ONECUT2: variants seen among roughly 807,000 people sequenced by gnomAD.
ONECUT2 encodes one cut homeobox 2.
Under a neutral mutation model 27.9 loss-of-function variants are expected in ONECUT2, and 10 were observed. That is an observed-to-expected ratio of 0.36 (90% confidence interval 0.22 to 0.61). The LOEUF (loss-of-function observed/expected upper bound fraction) is 0.61. Ranked by LOEUF, ONECUT2 falls within the 20% of genes least tolerant of loss-of-function variation. The probability of loss-of-function intolerance (pLI) is 0.73; values close to 1 mark genes in which losing one functional copy is unlikely to be tolerated. For synonymous variants in ONECUT2, 334 were observed against 315.1 expected (o/e 1.06, Z -0.64); for missense variants, 686 against 721.0 (o/e 0.95, Z 0.56).
intron 1 of ONECUT2, among the ~76,000 whole-genome samples, chr18:57,470,050 C>T (rs1568124221): frequency 6.6e-6 from 1 of 152,196 alleles, no homozygotes; most frequent in Admixed American, 6.5e-5. Flanking sequence ...AACACAGAAC[C>T]ACAGCATGGG....
rs192227879 is a variant in ONECUT2 at position 57,479,162 on chromosome 18, C to G, written c.*2439C>G. On this transcript the variant is annotated 3_prime_UTR_variant, in exon 2 of 2. Coordinates refer to ENST00000491143, the MANE Select transcript of ONECUT2 (RefSeq NM_004852.3). The stretch of plus-strand genomic sequence containing the variant: ...GGGGTCTTGGTGATGCATCCTCTCC[C>G]GAGCCACAGAACCAAAGAGTTTATA... 1.3e-5 allele frequency: 2 copies of G among 152,366 alleles called. No homozygotes were observed. Among genetic ancestry groups the G allele is most frequent in the East Asian group, 3.9e-4 (2 of 5,184 alleles). The allele number at this position is 152,366 out of a possible 1,614,324, so 9.4% of individuals were successfully genotyped here.
chr18:57,439,243 G>T (rs1245454411), intron 1 of ONECUT2, among the ~76,000 whole-genome samples: 1 of 152,154 alleles, frequency 6.6e-6, no homozygotes, highest in Non-Finnish European at 1.5e-5. Context: ...AGCCCCACCC[G>T]CGCCCATGGT....
At chr18:57,465,741 G>T (rs2050317765) in intron 1 of ONECUT2, among the ~76,000 whole-genome samples, 1 of 152,020 alleles carries the variant, frequency 6.6e-6, no homozygotes, top group Non-Finnish European at 1.5e-5. Flanking sequence ...ACCCATTCTG[G>T]CTTGCCATGG....
rs1373174689 is a variant in ONECUT2, at chr18:57,481,142, A to G, written c.*4419A>G. The G allele has an allele frequency of 6.6e-6, 1 of 150,578 alleles. No individual in the cohort carries two copies. The highest frequency in any genetic ancestry group is 1.5e-5 in the Non-Finnish European group (1 of 67,786). The allele number at this position is 150,578 out of a possible 1,614,324, so 9.3% of individuals were successfully genotyped here. A position where few individuals can be genotyped will look rare whatever the true frequency, so the allele number is the denominator to read the frequency against. On this transcript the variant is annotated 3_prime_UTR_variant, in exon 2 of 2. Coordinates refer to ENST00000491143, the MANE Select transcript of ONECUT2 (RefSeq NM_004852.3). ...ATTCCAGGAAATAATAAAAAAAAAC[A>G]GACAGAGCCAATACATTTCTTTTTT...
chr18:57,478,474 A>G lies in ONECUT2; in HGVS notation c.*1751A>G, dbSNP rs563576493. ...AATGAATAAATAAATCCGTAAATCA[A>G]TGGAAATCACCACCAATAAGAAGGA... On this transcript the variant is annotated 3_prime_UTR_variant, in exon 2 of 2. Coordinates refer to ENST00000491143, the MANE Select transcript of ONECUT2 (RefSeq NM_004852.3). 2.0e-5 allele frequency: 3 copies of G among 152,814 alleles called. No individual in the cohort carries two copies. Among genetic ancestry groups the G allele is most frequent in the African/African-American group, 7.2e-5 (3 of 41,600 alleles). The allele number at this position is 152,814 out of a possible 1,614,324, so 9.5% of individuals were successfully genotyped here. A position where few individuals can be genotyped will look rare whatever the true frequency, so the allele number is the denominator to read the frequency against.
At position 57,476,517 on chromosome 18, in the gene ONECUT2, C is replaced by CA; in HGVS notation, c.1311dup (p.Arg438ThrfsTer105). On this transcript the variant is annotated frameshift_variant, in exon 2 of 2. Coordinates refer to ENST00000491143, the MANE Select transcript of ONECUT2 (RefSeq NM_004852.3). LOFTEE classifies it high-confidence loss of function. ...GTCCCGCCTGGTGTTCACTGACCTC[C>CA]AACGCCGAACACTCTTCGCCATCTT... 1 of 1,614,228 alleles carries CA rather than the reference C, an allele frequency of 6.2e-7. No individual in the cohort carries two copies. Among genetic ancestry groups the CA allele is most frequent in the South Asian group, 1.1e-5 (1 of 91,088 alleles).
intron 1 of ONECUT2, among the ~76,000 whole-genome samples, chr18:57,473,772 T>C (rs1227549952): frequency 6.6e-6 from 1 of 152,234 alleles, no homozygotes; most frequent in Admixed American, 6.5e-5. Flanking sequence ...AGCACTGCTG[T>C]AGAGGACTTC....
In ONECUT2 at chr18:57,441,852, A is replaced by T. The variant is rs544134426; in HGVS notation, c.1228+4908A>T. Among the ~76,000 whole-genome samples the T allele has an allele frequency of 2.0e-5, 3 of 152,374 alleles. No homozygotes were observed. The South Asian group carries it at 6.2e-4, about 32-fold the overall frequency. The stretch of plus-strand genomic sequence containing the variant: ...CCCTAGTAACAAAAGCCTGAGCTTC[A>T]TCCCTCCGAGTAGCAGGCTCTGCGC... On this transcript the variant is annotated intron_variant, in intron 1 of 1. Coordinates refer to ENST00000491143, the MANE Select transcript of ONECUT2 (RefSeq NM_004852.3).
rs1298561997 is a variant in ONECUT2, at chr18:57,479,268, A to C, written c.*2545A>C. On this transcript the variant is annotated 3_prime_UTR_variant, in exon 2 of 2. Coordinates refer to ENST00000491143, the MANE Select transcript of ONECUT2 (RefSeq NM_004852.3). Reference sequence around the variant, plus strand: ...TGGGGGTGGGGGGAAACATGTAAAAATAATTGCCAGTTTCTACTTTTCTAT... The same window carrying C: ...TGGGGGTGGGGGGAAACATGTAAAACTAATTGCCAGTTTCTACTTTTCTAT... 2.0e-5 allele frequency: 3 copies of C among 152,534 alleles called. No individual in the cohort carries two copies. Among genetic ancestry groups the C allele is most frequent in the Non-Finnish European group, 4.4e-5 (3 of 68,054 alleles). 9.4% of individuals were successfully genotyped at this position (152,534 alleles called of 1,614,324 possible). A position where few individuals can be genotyped will look rare whatever the true frequency, so the allele number is the denominator to read the frequency against.
intron 1 of ONECUT2, among the ~76,000 whole-genome samples, chr18:57,444,622 A>G (rs547516690): frequency 1.2e-4 from 18 of 152,372 alleles, no homozygotes; most frequent in Non-Finnish European, 2.2e-4. Flanking sequence ...TTGTAAACAC[A>G]GATCCATTGA....
rs193016279 is a variant in ONECUT2, at chr18:57,485,029, G to T, written c.*8306G>T. The T allele has an allele frequency of 3.9e-5, 6 of 152,266 alleles. No homozygotes were observed. The East Asian group carries it at 1.2e-3, about 29-fold the overall frequency. The allele number at this position is 152,266 out of a possible 1,614,324, so 9.4% of individuals were successfully genotyped here. A position where few individuals can be genotyped will look rare whatever the true frequency, so the allele number is the denominator to read the frequency against. On this transcript the variant is annotated 3_prime_UTR_variant, in exon 2 of 2. Coordinates refer to ENST00000491143, the MANE Select transcript of ONECUT2 (RefSeq NM_004852.3). ...AGGTGGCCTGTCTTGAAATACTAGG[G>T]CTCATACGGGATTTTTGCCCTAGGA...
At chr18:57,466,570 GC>G (rs2050322354) in intron 1 of ONECUT2, among the ~76,000 whole-genome samples, 1 of 152,224 alleles carries the variant, frequency 6.6e-6, no homozygotes, top group Non-Finnish European at 1.5e-5. Flanking sequence ...ATCCCTCTTT[GC>G]CAGGCTTCTG....
chr18:57,443,051 G>T (rs2144296547), intron 1 of ONECUT2, among the ~76,000 whole-genome samples: 1 of 152,240 alleles, frequency 6.6e-6, no homozygotes, highest in Non-Finnish European at 1.5e-5. Flanking sequence ...GAGACCAGAG[G>T]AACAGGACTG....
At chr18:57,461,872 C>T (rs747586253) in intron 1 of ONECUT2, among the ~76,000 whole-genome samples, 8 of 152,232 alleles carry the variant, frequency 5.3e-5, no homozygotes, top group East Asian at 3.9e-4. Flanking sequence ...GTTGGGCTGT[C>T]GTGCCCCGCA....
rs2050390223 is a variant in ONECUT2, at chr18:57,477,461, A to G, written c.*738A>G. On this transcript the variant is annotated 3_prime_UTR_variant, in exon 2 of 2. Transcript: ENST00000491143. ...ATATGGTCTTGGATCCGTCAAAAAAACCAGTCAGTTCACTTGCGCTCAAAG... is the reference window on the plus strand; with the variant it reads ...ATATGGTCTTGGATCCGTCAAAAAAGCCAGTCAGTTCACTTGCGCTCAAAG... The G allele has an allele frequency of 6.6e-6, 1 of 152,616 alleles. No homozygotes were observed. The highest frequency in any genetic ancestry group is 2.1e-4 in the South Asian group (1 of 4,824). 9.5% of individuals were successfully genotyped at this position (152,616 alleles called of 1,614,324 possible).
At chr18:57,472,879 C>A (rs984750195) in intron 1 of ONECUT2, among the ~76,000 whole-genome samples, 1 of 152,118 alleles carries the variant, frequency 6.6e-6, no homozygotes, top group African/African-American at 2.4e-5. Context: ...TCCAAAGGAG[C>A]GTGAATTGAC....
At chr18:57,458,067 C>T (rs758972726) in intron 1 of ONECUT2, among the ~76,000 whole-genome samples, 6 of 152,084 alleles carry the variant, frequency 3.9e-5, no homozygotes, top group South Asian at 2.1e-4. Context: ...CACATGTATA[C>T]GTATGCAACA....
Position 57,435,883 on chromosome 18 carries a change from G to T in ONECUT2, c.167G>T (p.Gly56Val). The T allele has an allele frequency of 9.3e-7, 1 of 1,078,610 alleles. No homozygotes were observed. The highest frequency in any genetic ancestry group is 1.1e-6 in the Non-Finnish European group (1 of 892,530). 66.8% of individuals were successfully genotyped at this position (1,078,610 alleles called of 1,614,324 possible). A position where few individuals can be genotyped will look rare whatever the true frequency, so the allele number is the denominator to read the frequency against. ...GGCGGGGGCGGCGGCGGGGGCCCGG[G>T]CCATGAGCAGGAGCTGCTGGCCAGC... Reference protein sequence around the residue: ...GGGGGGGGGPGHEQELLASPS... With the variant: ...GGGGGGGGGPVHEQELLASPS... Residue 56 changes from glycine (G) to valine (V), a missense_variant, in exon 1 of 2, where the codon GGC (glycine) becomes GTC (valine). Physicochemically the swap from Gly to Val is moderately radical, Grantham distance 109. Around this residue, in one of 4 missense-constraint regions of ONECUT2, gnomAD observed 511 missense variants for 488.1 expected, o/e 1.05. Coordinates refer to ENST00000491143, the MANE Select transcript of ONECUT2 (RefSeq NM_004852.3).
chr18:57,487,193 T>G lies in ONECUT2; in HGVS notation c.*10470T>G, dbSNP rs1306232261. ...TGTTGGGATCTGAAAATGAGTCACA[T>G]TGAATTGGGTTCCAGCTTTATAATG... is the stretch of plus-strand genomic sequence containing the variant. On this transcript the variant is annotated 3_prime_UTR_variant, in exon 2 of 2. Transcript: ENST00000491143. 1 of 152,610 alleles carries G rather than the reference T, an allele frequency of 6.6e-6. No individual in the cohort carries two copies. The highest frequency in any genetic ancestry group is 2.4e-5 in the African/African-American group (1 of 41,454). The allele number at this position is 152,610 out of a possible 1,614,324, so 9.5% of individuals were successfully genotyped here.
Sources: gnomAD v4.1 joint callset for allele counts (sites outside exome capture counted in the v4.1 genomes callset) on GRCh38, gnomAD v4.1.1 for gene constraint, gnomAD v4.1.1 regional missense constraint, MANE v1.5 for transcripts, NCBI Gene and HGNC (gene_info 2026-07-23, HGNC 2026-07-21) for gene names.